Variants in DHFR2 observed in about 807,000 individuals in gnomAD.
DHFR2 encodes dihydrofolate reductase 2, mitochondrial.
Under a neutral mutation model 12.0 loss-of-function variants are expected in DHFR2, and 11 were observed. The observed-to-expected ratio is 0.92, with a 90% CI of 0.58 to 1.52. DHFR2 has a LOEUF of 1.52. DHFR2 is among the 40% of genes most tolerant of loss of function. DHFR2 has a pLI of 0.00. For synonymous variants in DHFR2, 87 were observed against 79.6 expected (o/e 1.09, Z -0.49); for missense variants, 188 against 221.2 (o/e 0.85, Z 0.95).
chr3:94,061,714 T>C, intron 1 of DHFR2, 108 bp from the exon 2 acceptor site: 1 of 688,290 alleles, frequency 1.5e-6, no homozygotes, highest in Non-Finnish European at 1.8e-6. Flanking sequence ...ATTTATAAAA[T>C]ATTTATAAAA....
At chr3:94,062,342 T>C (rs2077180397) in intron 1 of DHFR2, among the ~76,000 whole-genome samples, 1 of 152,204 alleles carries the variant, frequency 6.6e-6, no homozygotes, top group Admixed American at 6.5e-5. Context: ...TAATCACTGT[T>C]GTAACCGCTT....
Position 94,062,879 on chromosome 3 carries a change from T to TG in DHFR2, c.-230dup, listed in dbSNP as rs1165490446. ...GCCCTGGCCCGTTACCTCCGCGTCC[T>TG]GGGAAGTATCAGCCTTTACCAGCTA... is the stretch of plus-strand genomic sequence containing the variant. On this transcript the variant is annotated 5_prime_UTR_variant, in exon 1 of 2. Coordinates refer to ENST00000314636, the MANE Select transcript of DHFR2 (RefSeq NM_176815.5). 22 of 511,196 alleles carry TG rather than the reference T, an allele frequency of 4.3e-5. No individual in the cohort carries two copies. In the East Asian group the frequency reaches 6.7e-4, roughly 16 times the overall value. 31.7% of individuals were successfully genotyped at this position (511,196 alleles called of 1,614,324 possible).
In DHFR2 at chr3:94,061,201, G is replaced by T. The variant is rs770288127; in HGVS notation, c.311C>A (p.Pro104Gln). Residue 104 changes from proline to glutamine, a missense_variant, in exon 2 of 2, where the codon CCA (proline) becomes CAA (glutamine). Physicochemically the swap from Pro to Gln is moderately conservative, Grantham distance 76. Coordinates refer to ENST00000314636, the MANE Select transcript of DHFR2 (RefSeq NM_176815.5). ...LDDALKLTER[P>Q]ELANKVDMIW... ...CATGTCTACTTTATTTGCTAATTCT[G>T]GTCGTTCAGTAAGTTTTAAGGCATC... 1.9e-6 allele frequency: 3 copies of T among 1,613,800 alleles called. No homozygotes were observed. Among genetic ancestry groups the T allele is most frequent in the Non-Finnish European group, 1.7e-6 (2 of 1,179,868 alleles).
In DHFR2 at chr3:94,061,184, C is replaced by T. The variant is rs2077171479; in HGVS notation, c.328G>A (p.Val110Ile). The stretch of plus-strand genomic sequence containing the variant: ...CCACCAACTATCCAAATCATGTCTA[C>T]TTTATTTGCTAATTCTGGTCGTTCA... ...LTERPELANK[V>I]DMIWIVGGSS... Residue 110 changes from valine to isoleucine, a missense_variant, in exon 2 of 2, where the codon GTA (valine) becomes ATA (isoleucine). Val to Ile is a conservative substitution (Grantham distance 29). Coordinates refer to ENST00000314636, the MANE Select transcript of DHFR2 (RefSeq NM_176815.5). The T allele has an allele frequency of 1.2e-6, 2 of 1,613,990 alleles. No homozygotes were observed. Among genetic ancestry groups the T allele is most frequent in the Non-Finnish European group, 1.7e-6 (2 of 1,179,866 alleles).
Position 94,060,984 on chromosome 3 carries a change from G to A in DHFR2, c.528C>T (p.Ile176=), listed in dbSNP as rs747758076. 2 of 1,613,832 alleles carry A rather than the reference G, an allele frequency of 1.2e-6. No individual in the cohort carries two copies. Among genetic ancestry groups the A allele is most frequent in the Non-Finnish European group, 1.7e-6 (2 of 1,179,826 alleles). Reference sequence around the variant, plus strand: ...TCTCACATACTTCAAATTTGTACTTGATGTGTTTCCCCTCCTGGACATCAG... The same window carrying A: ...TCTCACATACTTCAAATTTGTACTTAATGTGTTTCCCCTCCTGGACATCAG... ...VLSDVQEGKH[I]KYKFEVCEKD... Residue 176 remains isoleucine, a synonymous_variant, in exon 2 of 2, where the codon ATC becomes ATT. Coordinates refer to ENST00000314636, the MANE Select transcript of DHFR2 (RefSeq NM_176815.5).
In DHFR2 at chr3:94,060,905, T is replaced by C; in HGVS notation, c.*43A>G. 6.3e-7 allele frequency: 1 copy of C among 1,585,876 alleles called. No individual in the cohort carries two copies. The highest frequency in any genetic ancestry group is 8.6e-7 in the Non-Finnish European group (1 of 1,166,558). ...TCTAATGTAAAAATGCATACTTTTC[T>C]CAGAGGGAGGGGGAACAACTTAAAC... On this transcript the variant is annotated 3_prime_UTR_variant, in exon 2 of 2. Transcript: ENST00000314636.
In DHFR2 at chr3:94,058,722, GTT is replaced by G. The variant is rs869127858; in HGVS notation, c.*2224_*2225del. 1 of 134,910 alleles carries G rather than the reference GTT, an allele frequency of 7.4e-6. No individual in the cohort carries two copies. The highest frequency in any genetic ancestry group is 1.6e-5 in the Non-Finnish European group (1 of 62,916). The allele number at this position is 134,910 out of a possible 1,614,324, so 8.4% of individuals were successfully genotyped here. A position where few individuals can be genotyped will look rare whatever the true frequency, so the allele number is the denominator to read the frequency against. On this transcript the variant is annotated 3_prime_UTR_variant, in exon 2 of 2. Transcript: ENST00000314636. ...ATTGCCTAACCAACCCTTCCCCCTT[GTT>G]TTTTTTTGTTTTTTTTTTTTTTTAC...
chr3:94,063,063 T>C, upstream of DHFR2: 3 of 1,600,226 alleles, frequency 1.9e-6, no homozygotes, highest in Non-Finnish European at 2.6e-6. Context: ...TTTTTTTCAG[T>C]TCCCTGGAGG....
rs937496351 is a variant in DHFR2, at chr3:94,060,757, G to T, written c.*191C>A. 10 of 692,082 alleles carry T rather than the reference G, an allele frequency of 1.4e-5. No homozygotes were observed. Among genetic ancestry groups the T allele is most frequent in the Middle Eastern group, 8.3e-4 (2 of 2,420 alleles). The allele number at this position is 692,082 out of a possible 1,614,324, so 42.9% of individuals were successfully genotyped here. A position where few individuals can be genotyped will look rare whatever the true frequency, so the allele number is the denominator to read the frequency against. On this transcript the variant is annotated 3_prime_UTR_variant, in exon 2 of 2. Transcript: ENST00000314636. ...TGCTGGGGACTCAGTCGGGGTCTTG[G>T]AGAGACAGTTATAGCAAGAATGTTT...
rs749911929 is a variant in DHFR2 at position 94,061,348 on chromosome 3, C to A, written c.164G>T (p.Arg55Met). The change falls in exon 2 of 2, where the codon AGG (arginine) becomes ATG (methionine). Residue 55 changes from arginine (R) to methionine (M), a missense_variant. Coordinates refer to ENST00000314636, the MANE Select transcript of DHFR2 (RefSeq NM_176815.5). Reference sequence around the variant, plus strand: ...CTCAGGAATGGAGAACCAGGTCTTCCTACCCATAATCACCAGATTCTGTTT... The same window carrying A: ...CTCAGGAATGGAGAACCAGGTCTTCATACCCATAATCACCAGATTCTGTTT... ...EGKQNLVIMG[R>M]KTWFSIPEKN... is the part of the protein sequence containing the mutation. 1 of 1,614,130 alleles carries A rather than the reference C, an allele frequency of 6.2e-7. No individual in the cohort carries two copies. The highest frequency in any genetic ancestry group is 2.2e-5 in the East Asian group (1 of 44,886).
At position 94,061,593 on chromosome 3, in the gene DHFR2, AT is replaced by A; in HGVS notation, c.-83del. 2 of 1,585,756 alleles carry A rather than the reference AT, an allele frequency of 1.3e-6. No homozygotes were observed. Among genetic ancestry groups the A allele is most frequent in the Non-Finnish European group, 1.7e-6 (2 of 1,165,868 alleles). On this transcript the variant is annotated 5_prime_UTR_variant, in exon 2 of 2. An upstream open reading frame in the 5' UTR gains an earlier in-frame stop. Coordinates refer to ENST00000314636, the MANE Select transcript of DHFR2 (RefSeq NM_176815.5). ...AATGCCGCGAAATTCCCTTCTTCAAATTTTTTTACGTGCCTACATTGCAAAT... is the reference window on the plus strand; with the variant it reads ...AATGCCGCGAAATTCCCTTCTTCAAATTTTTTACGTGCCTACATTGCAAAT...
In DHFR2 at chr3:94,061,603, G is replaced by A. The variant is rs2077175747; in HGVS notation, c.-92C>T. ...AATTCCCTTCTTCAAATTTTTTTACGTGCCTACATTGCAAATACAATACCA... is the reference window on the plus strand; with the variant it reads ...AATTCCCTTCTTCAAATTTTTTTACATGCCTACATTGCAAATACAATACCA... On this transcript the variant is annotated 5_prime_UTR_variant, in exon 2 of 2. The change creates a new upstream start codon in the 5' untranslated region. Coordinates refer to ENST00000314636, the MANE Select transcript of DHFR2 (RefSeq NM_176815.5). 4 of 1,573,582 alleles carry A rather than the reference G, an allele frequency of 2.5e-6. No individual in the cohort carries two copies. Among genetic ancestry groups the A allele is most frequent in the Middle Eastern group, 2.0e-4 (1 of 4,954 alleles).
In DHFR2 at chr3:94,058,489, C is replaced by A. The variant is rs183684344; in HGVS notation, c.*2459G>T. The A allele has an allele frequency of 2.6e-5, 4 of 152,080 alleles. No individual in the cohort carries two copies. The highest frequency in any genetic ancestry group is 4.4e-5 in the Non-Finnish European group (3 of 68,022). The allele number at this position is 152,080 out of a possible 1,614,324, so 9.4% of individuals were successfully genotyped here. ...TATGTTATACATTATATAGTGATTT[C>A]TTGATATGACAGATGAGGATTTAGC... On this transcript the variant is annotated 3_prime_UTR_variant, in exon 2 of 2. Transcript: ENST00000314636.
chr3:94,058,348 A>C lies in DHFR2; in HGVS notation c.*2600T>G, dbSNP rs1576073474. On this transcript the variant is annotated 3_prime_UTR_variant, in exon 2 of 2. Transcript: ENST00000314636. ...ATCTTTAAAAGCCTCTTCAGTTTAT[A>C]ATGCATCCTAACAGTCCCCTGCCCC... 2.0e-5 allele frequency: 3 copies of C among 152,164 alleles called. No individual in the cohort carries two copies. The highest frequency in any genetic ancestry group is 1.3e-4 in the Admixed American group (2 of 15,280). 9.4% of individuals were successfully genotyped at this position (152,164 alleles called of 1,614,324 possible).
intron 1 of DHFR2, 66 bp downstream of exon 1, chr3:94,062,680 C>A: frequency 4.8e-6 from 1 of 210,492 alleles, no homozygotes; most frequent in African/African-American, 2.3e-5. Flanking sequence ...GTCGCCCACG[C>A]TGCAGTGCAG....
rs2107223564 is a variant in DHFR2, at chr3:94,058,573, T to C, written c.*2375A>G. 6.6e-6 allele frequency: 1 copy of C among 152,670 alleles called. No individual in the cohort carries two copies. Among genetic ancestry groups the C allele is most frequent in the East Asian group, 1.9e-4 (1 of 5,188 alleles). The allele number at this position is 152,670 out of a possible 1,614,324, so 9.5% of individuals were successfully genotyped here. ...ATATTGTCCCAAAGTAGTTACCAGATTTAGGGGCTAAGCAGTCAGTCACCA... is the reference window on the plus strand; with the variant it reads ...ATATTGTCCCAAAGTAGTTACCAGACTTAGGGGCTAAGCAGTCAGTCACCA... On this transcript the variant is annotated 3_prime_UTR_variant, in exon 2 of 2. Coordinates refer to ENST00000314636, the MANE Select transcript of DHFR2 (RefSeq NM_176815.5).
upstream of DHFR2, chr3:94,063,173 G>C (rs1361465369): frequency 1.9e-6 from 3 of 1,612,690 alleles, no homozygotes; most frequent in Admixed American, 5.0e-5. Context: ...ACCTCTATCT[G>C]AATGAGACGC....
At chr3:94,062,511 T>C (rs1322787431) in intron 1 of DHFR2, among the ~76,000 whole-genome samples, 1 of 152,214 alleles carries the variant, frequency 6.6e-6, no homozygotes, top group Non-Finnish European at 1.5e-5. Flanking sequence ...CTAGATTTGG[T>C]AGATTAAGTC....
Position 94,062,850 on chromosome 3 carries a change from T to C in DHFR2, c.-200A>G. 1 of 451,356 alleles carries C rather than the reference T, an allele frequency of 2.2e-6. No homozygotes were observed. The highest frequency in any genetic ancestry group is 4.0e-6 in the Non-Finnish European group (1 of 247,654). 28.0% of individuals were successfully genotyped at this position (451,356 alleles called of 1,614,324 possible). On this transcript the variant is annotated 5_prime_UTR_variant, in exon 1 of 2. Coordinates refer to ENST00000314636, the MANE Select transcript of DHFR2 (RefSeq NM_176815.5). ...GACCAATCCAAGTAGCGAAAGTCGC[T>C]TTGGCCCTGGCCCGTTACCTCCGCG...
Sources: gnomAD v4.1 joint callset for allele counts (sites outside exome capture counted in the v4.1 genomes callset) on GRCh38, gnomAD v4.1.1 for gene constraint, MANE v1.5 for transcripts, NCBI Gene and HGNC (gene_info 2026-07-23, HGNC 2026-07-21) for gene names.